The following ATF7IP2 variants were observed in gnomAD, a reference collection of about 807,000 sequenced individuals.
ATF7IP2 encodes activating transcription factor 7 interacting protein 2.
ATF7IP2 carries 42 observed loss-of-function variants against 64.2 expected under a neutral mutation model. The observed-to-expected ratio is 0.65, with a 90% CI of 0.51 to 0.85. ATF7IP2 has a LOEUF of 0.85. ATF7IP2 is among the 40% of genes least tolerant of loss of function. ATF7IP2 has a pLI of 0.00. For synonymous variants in ATF7IP2, 308 were observed against 272.8 expected (o/e 1.13, Z -1.27); for missense variants, 933 against 784.2 (o/e 1.19, Z -2.27).
Position 10,433,955 on chromosome 16 carries a change from C to G in ATF7IP2, c.960+306C>G, listed in dbSNP as rs117331770. ...CTCATATTTGTCTGTAAGTCAGACA[C>G]TGCATGACCTTCAGCTTTATTAAAG... is the stretch of plus-strand genomic sequence containing the variant. On this transcript the variant is annotated intron_variant, in intron 6 of 13. Coordinates refer to ENST00000562102, the MANE Select transcript of ATF7IP2 (RefSeq NM_001393719.1). 4.1e-3 allele frequency among the ~76,000 whole-genome samples: 625 copies of G among 152,320 alleles called. 5 individuals are homozygous for G. The highest frequency in any genetic ancestry group is 6.5e-3 in the Non-Finnish European group (445 of 68,032).
At chr16:10,449,053 C>T (rs1277674284) in intron 8 of ATF7IP2, 1 of 152,128 alleles carries the variant, frequency 6.6e-6, no homozygotes, top group African/African-American at 2.4e-5. Context: ...GCCTTTTCTG[C>T]ATCTATTGAG....
In ATF7IP2 at chr16:10,466,152, TG is replaced by T. The variant is rs543021635; in HGVS notation, c.1353-5957del. ...ATGTCTTCTTTCATCCCACATTATGTGTCATGATACCCATCCGTGCTGTTGC... is the reference window on the plus strand; with the variant it reads ...ATGTCTTCTTTCATCCCACATTATGTTCATGATACCCATCCGTGCTGTTGC... On this transcript the variant is annotated intron_variant, in intron 9 of 13. Coordinates refer to ENST00000562102, the MANE Select transcript of ATF7IP2 (RefSeq NM_001393719.1). Among the ~76,000 whole-genome samples, 186 of 152,358 alleles carry T rather than the reference TG, an allele frequency of 1.2e-3. 1 individual carries two copies. The highest frequency in any genetic ancestry group is 4.3e-3 in the African/African-American group (178 of 41,588).
At chr16:10,480,569 T>G (rs1221252496) in intron 12 of ATF7IP2, among the ~76,000 whole-genome samples, 1 of 151,444 alleles carries the variant, frequency 6.6e-6, no homozygotes, top group African/African-American at 2.4e-5. Context: ...ACATCTTTGT[T>G]GGCCTAACGA....
At chr16:10,439,067 AT>A (rs1420965305) in intron 7 of ATF7IP2, among the ~76,000 whole-genome samples, 10 of 151,306 alleles carry the variant, frequency 6.6e-5, no homozygotes, top group African/African-American at 2.2e-4. Flanking sequence ...AAAAAAAAAA[AT>A]AGGCAGTTTC....
intron 8 of ATF7IP2, among the ~76,000 whole-genome samples, chr16:10,444,159 G>A (rs1349705923): frequency 3.9e-5 from 6 of 152,218 alleles, no homozygotes; most frequent in Non-Finnish European, 7.3e-5. Flanking sequence ...TTGAGGAAAC[G>A]ATGATCAGGT....
chr16:10,451,115 T>C (rs2048970766), intron 8 of ATF7IP2, among the ~76,000 whole-genome samples: 1 of 152,236 alleles, frequency 6.6e-6, no homozygotes, highest in South Asian at 2.1e-4. Context: ...TTGAAAATTC[T>C]TTTCTTTAAA....
At chr16:10,413,289 A>G (rs558995311) in intron 1 of ATF7IP2, among the ~76,000 whole-genome samples, 2 of 152,256 alleles carry the variant, frequency 1.3e-5, no homozygotes, top group African/African-American at 4.8e-5. Context: ...AGTCTTTCTC[A>G]TGCTATTCTC....
chr16:10,407,050 AAGT>A (rs1298818950), intron 1 of ATF7IP2, among the ~76,000 whole-genome samples: 9 of 152,200 alleles, frequency 5.9e-5, no homozygotes, highest in African/African-American at 2.2e-4. Flanking sequence ...AATCATGACT[AAGT>A]AGGATTTCAC....
At chr16:10,445,972 T>C (rs2048789857) in intron 8 of ATF7IP2, 1 of 152,240 alleles carries the variant, frequency 6.6e-6, no homozygotes, top group Non-Finnish European at 1.5e-5. Flanking sequence ...GCAAGTGCTT[T>C]AGGCTTGATA....
chr16:10,475,585 C>T (rs1357233952), intron 12 of ATF7IP2, among the ~76,000 whole-genome samples: 5 of 150,340 alleles, frequency 3.3e-5, no homozygotes, highest in Admixed American at 6.6e-5. Flanking sequence ...CCCAGCTACT[C>T]GGGAGGCTGA....
At chr16:10,409,891 T>G (rs1411363618) in intron 1 of ATF7IP2, among the ~76,000 whole-genome samples, 1 of 152,214 alleles carries the variant, frequency 6.6e-6, no homozygotes, top group South Asian at 2.1e-4. Context: ...TGACTGTAAG[T>G]ATTTGATTTT....
chr16:10,419,115 C>T (rs1396420916), intron 2 of ATF7IP2, among the ~76,000 whole-genome samples: 1 of 152,170 alleles, frequency 6.6e-6, no homozygotes, highest in Non-Finnish European at 1.5e-5. Flanking sequence ...TGTTTACAAA[C>T]AGGTTTTTGA....
intron 3 of ATF7IP2, among the ~76,000 whole-genome samples, chr16:10,420,085 A>G (rs1260990936): frequency 6.6e-6 from 1 of 152,218 alleles, no homozygotes; most frequent in African/African-American, 2.4e-5. Context: ...CATTCATTCC[A>G]CAATGGGTTG....
At chr16:10,391,603 A>G (rs192552185) in intron 1 of ATF7IP2, among the ~76,000 whole-genome samples, 42 of 152,254 alleles carry the variant, frequency 2.8e-4, no homozygotes, top group Non-Finnish European at 4.9e-4. Context: ...CACATCACTA[A>G]TATCAAGAAT....
At chr16:10,395,436 T>C (rs1298656901) in intron 1 of ATF7IP2, among the ~76,000 whole-genome samples, 1 of 152,142 alleles carries the variant, frequency 6.6e-6, no homozygotes, top group Non-Finnish European at 1.5e-5. Flanking sequence ...TCTGAAATAA[T>C]TCTGTAAGGC....
chr16:10,398,683 C>T (rs1387981886), intron 1 of ATF7IP2, among the ~76,000 whole-genome samples: 1 of 151,906 alleles, frequency 6.6e-6, no homozygotes, highest in African/African-American at 2.4e-5. Context: ...TAGACACAGA[C>T]AAATACTATA....
At chr16:10,458,592 A>C (rs1389531732) in intron 9 of ATF7IP2, among the ~76,000 whole-genome samples, 1 of 152,226 alleles carries the variant, frequency 6.6e-6, no homozygotes, top group African/African-American at 2.4e-5. Flanking sequence ...GTGTAACTTG[A>C]TTCTGATGGC....
At chr16:10,440,329 G>A in intron 7 of ATF7IP2, 35 bp from the exon 8 acceptor site, 1 of 1,120,562 alleles carries the variant, frequency 8.9e-7, no homozygotes, top group East Asian at 2.4e-5. Flanking sequence ...ATAGTACTCT[G>A]GCTTAGTATT....
intron 1 of ATF7IP2, among the ~76,000 whole-genome samples, chr16:10,409,447 C>G (rs562773087): frequency 4.2e-4 from 63 of 151,556 alleles, no homozygotes; most frequent in Non-Finnish European, 1.5e-4. Flanking sequence ...CTGATGTTAT[C>G]TTCTAGAATT....
Sources: allele counts gnomAD v4.1 joint callset (sites outside exome capture counted in the v4.1 genomes callset), GRCh38; gene constraint gnomAD v4.1.1; transcripts MANE v1.5; gene names NCBI Gene and HGNC (gene_info 2026-07-23, HGNC 2026-07-21).